Variants in CDH4 observed in about 807,000 individuals in gnomAD.
CDH4 encodes cadherin-4.
CDH4 carries 33 observed loss-of-function variants against 86.0 expected under a neutral mutation model. The ratio of observed to expected loss-of-function variants is 0.38; its 90% confidence interval spans 0.29 to 0.51. The LOEUF is 0.51. Among genes scored for constraint, CDH4 ranks in the 20% least tolerant of loss-of-function variants. CDH4 has a pLI of 0.86. For missense variants in CDH4, 1,114 were observed against 1,307.4 expected (o/e 0.85, Z 2.28); for synonymous variants, 555 against 549.4 (o/e 1.01, Z -0.14).
intron 2 of CDH4, among the ~76,000 whole-genome samples, chr20:61,574,052 C>T (rs573185731): frequency 2.0e-5 from 3 of 152,312 alleles, no homozygotes; most frequent in African/African-American, 7.2e-5. Context: ...TTCTGGCCAG[C>T]GAGGACCCAC....
chr20:61,839,881 GGT>G (rs939905855), intron 4 of CDH4, among the ~76,000 whole-genome samples: 3 of 151,334 alleles, frequency 2.0e-5, no homozygotes, highest in East Asian at 2.0e-4. Flanking sequence ...GTGCTTGTGT[GGT>G]GTGTGTGTAT....
chr20:61,638,201 A>T (rs867769566), intron 2 of CDH4, among the ~76,000 whole-genome samples: 4 of 152,174 alleles, frequency 2.6e-5, no homozygotes, highest in Non-Finnish European at 5.9e-5. Context: ...TAAGGTGCTG[A>T]TCTATGGATC....
chr20:61,836,122 C>T (rs906107394), intron 4 of CDH4, among the ~76,000 whole-genome samples: 1 of 152,236 alleles, frequency 6.6e-6, no homozygotes. Context: ...GTGAGAGAAG[C>T]TGATTGACCC....
At chr20:61,566,592 C>T (rs1049651751) in intron 2 of CDH4, among the ~76,000 whole-genome samples, 24 of 152,168 alleles carry the variant, frequency 1.6e-4, no homozygotes, top group African/African-American at 5.3e-4. Context: ...AGCGCTCTGA[C>T]ATCCTGCAGG....
chr20:61,572,719 C>T (rs548111960), intron 2 of CDH4, among the ~76,000 whole-genome samples: 12 of 152,290 alleles, frequency 7.9e-5, no homozygotes, highest in African/African-American at 2.9e-4. Context: ...AAGAGGAGTC[C>T]TTCTCAGCTT....
chr20:61,429,787 G>GGA (rs767880253), intron 2 of CDH4, among the ~76,000 whole-genome samples: 4,226 of 119,030 alleles, frequency 0.036, 94 homozygotes, highest in Non-Finnish European at 0.048. Flanking sequence ...GGATGGATGG[G>GGA]TGGGTGGAAA....
chr20:61,547,860 G>A (rs149898861), intron 2 of CDH4, among the ~76,000 whole-genome samples: 7 of 152,376 alleles, frequency 4.6e-5, no homozygotes, highest in Non-Finnish European at 8.8e-5. Flanking sequence ...GCGGCACCGC[G>A]TGGGGCTGGC....
rs2087289792 is a variant in CDH4, at chr20:61,663,797, A to G, written c.170-79766A>G. Among the ~76,000 whole-genome samples, 1 of 152,134 alleles carries G rather than the reference A, an allele frequency of 6.6e-6. No individual in the cohort carries two copies. The highest frequency in any genetic ancestry group is 6.5e-5 in the Admixed American group (1 of 15,270). On this transcript the variant is annotated intron_variant, in intron 2 of 15. Coordinates refer to ENST00000614565, the MANE Select transcript of CDH4 (RefSeq NM_001794.5). The surrounding 1 kb of genome is among the most constrained non-coding windows in gnomAD (Gnocchi z 5.0). ...GGTGTCCAGGCTGCACAATGTGGGC[A>G]CCACTGAACACGGGGTAAACCAATC...
At chr20:61,695,210 C>T (rs1276962933) in intron 2 of CDH4, among the ~76,000 whole-genome samples, 1 of 152,250 alleles carries the variant, frequency 6.6e-6, no homozygotes, top group Non-Finnish European at 1.5e-5. Context: ...ACAGAGGTCA[C>T]CGAACAAGGA....
chr20:61,404,462 C>T (rs2085068543), intron 2 of CDH4, among the ~76,000 whole-genome samples: 1 of 152,204 alleles, frequency 6.6e-6, no homozygotes, highest in South Asian at 2.1e-4. Context: ...TATCCGGTGG[C>T]ATTAAACGCA....
intron 2 of CDH4, among the ~76,000 whole-genome samples, chr20:61,429,026 C>A (rs1156446357): frequency 6.6e-6 from 1 of 151,298 alleles, no homozygotes; most frequent in Non-Finnish European, 1.5e-5. Flanking sequence ...AACCTACTTT[C>A]TAGACTATAG....
intron 2 of CDH4, among the ~76,000 whole-genome samples, chr20:61,519,091 G>A (rs1201286657): frequency 2.0e-5 from 3 of 152,190 alleles, no homozygotes; most frequent in African/African-American, 7.2e-5. Flanking sequence ...CACCCCTCCA[G>A]TGGCCAAAGC....
intron 2 of CDH4, among the ~76,000 whole-genome samples, chr20:61,560,096 C>T (rs575554198): frequency 1.3e-5 from 2 of 152,294 alleles, no homozygotes; most frequent in Admixed American, 1.3e-4. Context: ...TTCGGAGTCG[C>T]TTGTTTGCTC....
intron 2 of CDH4, among the ~76,000 whole-genome samples, chr20:61,456,488 T>C (rs1039648489): frequency 2.6e-5 from 4 of 152,206 alleles, no homozygotes; most frequent in Admixed American, 2.0e-4. Context: ...GAGTCCACCC[T>C]GGGGATAAGC....
chr20:61,759,331 C>T (rs1365530243), intron 3 of CDH4, among the ~76,000 whole-genome samples: 1 of 152,216 alleles, frequency 6.6e-6, no homozygotes, highest in Admixed American at 6.5e-5. Context: ...GGGTCATGGA[C>T]ACAGTCTTTT....
chr20:61,792,746 G>C (rs1203688407), intron 4 of CDH4, among the ~76,000 whole-genome samples: 1 of 151,986 alleles, frequency 6.6e-6, no homozygotes, highest in Non-Finnish European at 1.5e-5. Context: ...CACCTCCCAG[G>C]TTCAAGTGAT....
At chr20:61,686,583 T>C (rs2087579369) in intron 2 of CDH4, among the ~76,000 whole-genome samples, 1 of 147,044 alleles carries the variant, frequency 6.8e-6, no homozygotes, top group African/African-American at 2.5e-5. Context: ...GTGTGTGCAT[T>C]CATGTGTGTG....
At chr20:61,278,194 G>A (rs1162656775) in intron 2 of CDH4, among the ~76,000 whole-genome samples, 2 of 152,184 alleles carry the variant, frequency 1.3e-5, no homozygotes, top group Non-Finnish European at 2.9e-5. Context: ...CCTTCCCTGA[G>A]TAACTCCATT....
chr20:61,572,106 C>G (rs991711026), intron 2 of CDH4, among the ~76,000 whole-genome samples: 1 of 152,098 alleles, frequency 6.6e-6, no homozygotes, highest in African/African-American at 2.4e-5. Context: ...GGGCTGCTGC[C>G]TCCAGAATGC....
Sources: allele counts gnomAD v4.1 joint callset (sites outside exome capture counted in the v4.1 genomes callset), GRCh38; gene constraint gnomAD v4.1.1; non-coding constraint Gnocchi (gnomAD v3.1); transcripts MANE v1.5; gene names NCBI Gene and HGNC (gene_info 2026-07-23, HGNC 2026-07-21).